CYTH1: variants seen among roughly 807,000 people sequenced by gnomAD.
CYTH1 encodes the protein cytohesin-1.
Under a neutral mutation model 61.8 loss-of-function variants are expected in CYTH1, and 18 were observed. The ratio of observed to expected loss-of-function variants is 0.29; its 90% CI spans 0.20 to 0.43. The LOEUF (loss-of-function observed/expected upper bound fraction) is 0.43, where lower values mean the gene tolerates loss of function less well. Ranked by LOEUF, CYTH1 falls within the 20% of genes least tolerant of loss-of-function variation. CYTH1 has a pLI of 1.00. For synonymous variants in CYTH1, 174 were observed against 184.3 expected, an observed-to-expected ratio of 0.94 and a Z score of 0.45; for missense variants, 336 against 510.5, an observed-to-expected ratio of 0.66 and a Z score of 3.29.
At chr17:78,762,232 C>T (rs1265536468) in intron 1 of CYTH1, among the ~76,000 whole-genome samples, 1 of 152,182 alleles carries the variant, frequency 6.6e-6, no homozygotes, top group Non-Finnish European at 1.5e-5. Flanking sequence ...AAGATAGTCT[C>T]TGTTCCGGTA....
intron 1 of CYTH1, among the ~76,000 whole-genome samples, chr17:78,766,192 C>T (rs2144734896): frequency 6.6e-6 from 1 of 151,938 alleles, no homozygotes; most frequent in South Asian, 2.1e-4. Flanking sequence ...CTGTAACTCC[C>T]TGGAAGAAAC....
intron 11 of CYTH1, among the ~76,000 whole-genome samples, chr17:78,690,685 C>T (rs899575105): frequency 4.0e-5 from 6 of 151,730 alleles, no homozygotes; most frequent in Non-Finnish European, 8.8e-5. Flanking sequence ...GGAGACAGAG[C>T]GAGACTCCGT....
At chr17:78,746,352 T>C (rs1194029085) in intron 1 of CYTH1, among the ~76,000 whole-genome samples, 2 of 152,178 alleles carry the variant, frequency 1.3e-5, no homozygotes, top group Admixed American at 6.5e-5. Flanking sequence ...ACAAAATACA[T>C]GTATATTCTT....
chr17:78,759,537 T>C (rs2093414128), intron 1 of CYTH1, among the ~76,000 whole-genome samples: 1 of 152,098 alleles, frequency 6.6e-6, no homozygotes, highest in Admixed American at 6.5e-5. Flanking sequence ...CTAAAGTGGG[T>C]AGGTAGCTAT....
chr17:78,726,379 GGCCCCCTGTC>G (rs2093266882), intron 1 of CYTH1, among the ~76,000 whole-genome samples: 2 of 149,484 alleles, frequency 1.3e-5, no homozygotes, highest in East Asian at 3.9e-4. Context: ...ATGGAAACGA[GGCCCCCTGTC>G]AGTTACTGTG....
chr17:78,685,076 G>A (rs959835634), intron 11 of CYTH1, among the ~76,000 whole-genome samples: 1 of 151,984 alleles, frequency 6.6e-6, no homozygotes, highest in Non-Finnish European at 1.5e-5. Flanking sequence ...GCACGTGCCT[G>A]TAATCCCAGC....
At chr17:78,685,337 C>T (rs894058503) in intron 11 of CYTH1, among the ~76,000 whole-genome samples, 1 of 147,200 alleles carries the variant, frequency 6.8e-6, no homozygotes, top group African/African-American at 2.5e-5. Context: ...TTCCTCCTCC[C>T]ACCTCCTGAT....
chr17:78,698,129 G>A (rs565547270), intron 9 of CYTH1, 140 bp downstream of exon 9: 55 of 729,236 alleles, frequency 7.5e-5, no homozygotes, highest in Non-Finnish European at 1.1e-4. Context: ...ACATGCATGC[G>A]CGTGCACACA....
intron 2 of CYTH1, chr17:78,708,903 A>G (rs1235100789): frequency 6.6e-6 from 1 of 152,122 alleles, no homozygotes; most frequent in Non-Finnish European, 1.5e-5. Flanking sequence ...ACTTAAATCA[A>G]CTCCAGAGAA....
chr17:78,682,897 C>T (rs749544859), intron 11 of CYTH1, among the ~76,000 whole-genome samples: 4 of 152,196 alleles, frequency 2.6e-5, no homozygotes, highest in Non-Finnish European at 5.9e-5. Flanking sequence ...GGAAACACAT[C>T]CATCGTTTGG....
At chr17:78,735,823 T>G (rs2093317738) in intron 1 of CYTH1, among the ~76,000 whole-genome samples, 1 of 152,222 alleles carries the variant, frequency 6.6e-6, no homozygotes, top group South Asian at 2.1e-4. Flanking sequence ...TATTTTGTCT[T>G]GCAGCATTAC....
chr17:78,701,022 A>T (rs980683988), intron 6 of CYTH1, among the ~76,000 whole-genome samples: 3 of 152,238 alleles, frequency 2.0e-5, no homozygotes, highest in Non-Finnish European at 4.4e-5. Context: ...CCTCCTCAGA[A>T]TAATATACAA....
intron 4 of CYTH1, 145 bp downstream of exon 4, chr17:78,702,393 G>A (rs2093020308): frequency 1.9e-6 from 2 of 1,032,156 alleles, no homozygotes; most frequent in African/African-American, 1.6e-5. Context: ...CACAGTTTAG[G>A]AACAAGGGCT....
rs2144190844 is a variant in CYTH1 at position 78,693,371 on chromosome 17, C to T, written c.815-878G>A. ...GGCACAGGGGCTCACGTCTATAATC[C>T]CAGCACTCTGGGAGGTCAAGGTGGG... is the stretch of plus-strand genomic sequence containing the variant. On this transcript the variant is annotated intron_variant, in intron 10 of 13. Coordinates refer to ENST00000446868, the MANE Select transcript of CYTH1 (RefSeq NM_004762.6). Among the ~76,000 whole-genome samples, 2 of 152,114 alleles carry T rather than the reference C, an allele frequency of 1.3e-5. 1 individual carries two copies. The highest frequency in any genetic ancestry group is 4.1e-4 in the South Asian group (2 of 4,826).
At position 78,692,265 on chromosome 17, in the gene CYTH1, T is replaced by C. The variant is rs1332160274; in HGVS notation, c.891+152A>G. The C allele has an allele frequency of 9.9e-6, 8 of 810,584 alleles. No homozygotes were observed. The East Asian group carries it at 2.0e-4, about 20-fold the overall frequency. The allele number at this position is 810,584 out of a possible 1,614,324, so 50.2% of individuals were successfully genotyped here. On this transcript the variant is annotated intron_variant, in intron 11 of 13. Coordinates refer to ENST00000446868, the MANE Select transcript of CYTH1 (RefSeq NM_004762.6). ...AGGGGTTCCCCATTCTGAGATTTAC[T>C]TCAGTTCTTGCACTTTGCTTAAACT...
At chr17:78,769,038 C>G (rs1200542557) in intron 1 of CYTH1, among the ~76,000 whole-genome samples, 1 of 151,666 alleles carries the variant, frequency 6.6e-6, no homozygotes, top group Non-Finnish European at 1.5e-5. Flanking sequence ...CACAGCTACT[C>G]AGGAGGCTGA....
chr17:78,723,703 C>T (rs1293536944), intron 1 of CYTH1: 1 of 152,364 alleles, frequency 6.6e-6, no homozygotes, highest in Non-Finnish European at 1.5e-5. Context: ...GCTTTCCTCT[C>T]TCCCTCAGAA....
At chr17:78,745,400 T>C (rs979377335) in intron 1 of CYTH1, among the ~76,000 whole-genome samples, 1 of 152,112 alleles carries the variant, frequency 6.6e-6, no homozygotes, top group African/African-American at 2.4e-5. Context: ...AACAGCACAA[T>C]TTACAAGCGA....
chr17:78,708,120 C>A, intron 3 of CYTH1, 77 bp downstream of exon 3: 1 of 1,425,796 alleles, frequency 7.0e-7, no homozygotes, highest in South Asian at 1.2e-5. Context: ...TTCAATGTGC[C>A]ACGTAAGCAT....
Sources: gnomAD v4.1 joint callset for allele counts (sites outside exome capture counted in the v4.1 genomes callset) on GRCh38, gnomAD v4.1.1 for gene constraint, MANE v1.5 for transcripts, NCBI Gene and HGNC (gene_info 2026-07-23, HGNC 2026-07-21) for gene names.